Variants in CSMD3 observed in about 807,000 individuals in gnomAD.
The protein encoded by CSMD3 is CUB and Sushi multiple domains 3.
CSMD3 carries 177 observed loss-of-function variants against 435.2 expected under a neutral mutation model. That is an observed-to-expected ratio of 0.41 (90% CI 0.36 to 0.46). The LOEUF is 0.46. Ranked by LOEUF, CSMD3 falls within the 20% of genes least tolerant of loss-of-function variation. The pLI is 0.34. For synonymous variants in CSMD3, 1,656 were observed against 1,520.5 expected, an observed-to-expected ratio of 1.09 and a Z score of -2.07; for missense variants, 4,265 against 4,504.6, an observed-to-expected ratio of 0.95 and a Z score of 1.52.
rs2131786476 is a variant in CSMD3, at chr8:112,682,579, C to T, written c.2540G>A (p.Gly847Glu). ...TGAACTTCCTAATTGAAAGTTGTCC[C>T]CAAACCGCCGTGCATTGATTGGTAT... ...PGIPINARRF[G>E]DNFQLGSSIS... Residue 847 changes from glycine to glutamate, a missense_variant, in exon 16 of 71, where the codon GGG becomes GAG. By Grantham distance (98) the Gly-to-Glu change is moderately conservative. This residue lies in a region of CSMD3 where 279 missense variants were observed against 369.0 expected (regional missense o/e 0.76). Coordinates refer to ENST00000297405, the MANE Select transcript of CSMD3 (RefSeq NM_198123.2). The T allele has an allele frequency of 2.5e-6, 4 of 1,613,754 alleles. No homozygotes were observed. The highest frequency in any genetic ancestry group is 2.5e-6 in the Non-Finnish European group (3 of 1,179,726).
At chr8:112,542,044 A>G (rs1826713443) in intron 27 of CSMD3, among the ~76,000 whole-genome samples, 1 of 151,990 alleles carries the variant, frequency 6.6e-6, no homozygotes, top group African/African-American at 2.4e-5. Context: ...TTAAGATCAC[A>G]TGATCACATG....
chr8:113,221,161 T>C (rs987343364), intron 3 of CSMD3, among the ~76,000 whole-genome samples: 13 of 151,370 alleles, frequency 8.6e-5, no homozygotes, highest in African/African-American at 2.2e-4. Flanking sequence ...CATTATTGTG[T>C]CAATTTGCAA....
chr8:112,294,294 A>G (rs1820052812), intron 54 of CSMD3, among the ~76,000 whole-genome samples: 1 of 152,122 alleles, frequency 6.6e-6, no homozygotes, highest in Non-Finnish European at 1.5e-5. Context: ...ATTAAATGAA[A>G]TATTTCCTGT....
chr8:113,270,411 G>A (rs2093512982), intron 3 of CSMD3, among the ~76,000 whole-genome samples: 1 of 152,182 alleles, frequency 6.6e-6, no homozygotes, highest in Non-Finnish European at 1.5e-5. Flanking sequence ...GTGTAAGATA[G>A]TGTGGTGATT....
At position 112,552,732 on chromosome 8, in the gene CSMD3, T is replaced by C. The variant is rs372984155; in HGVS notation, c.4235-12A>G. The C allele has an allele frequency of 6.2e-7, 1 of 1,609,142 alleles. No individual in the cohort carries two copies. The highest frequency in any genetic ancestry group is 8.5e-7 in the Non-Finnish European group (1 of 1,177,348). Reference sequence around the variant, plus strand: ...ACCTCCACATTCAGCTGATAAAAAATAATAGAAATTTAAGCCACAATTTAA... The same window carrying C: ...ACCTCCACATTCAGCTGATAAAAAACAATAGAAATTTAAGCCACAATTTAA... On this transcript the variant is annotated splice_polypyrimidine_tract_variant and intron_variant, in intron 25 of 70. Coordinates refer to ENST00000297405, the MANE Select transcript of CSMD3 (RefSeq NM_198123.2).
At chr8:112,400,981 T>G (rs1434277617) in intron 35 of CSMD3, among the ~76,000 whole-genome samples, 1 of 152,082 alleles carries the variant, frequency 6.6e-6, no homozygotes, top group Admixed American at 6.6e-5. Context: ...CCGAGGCAGA[T>G]AGATCACCTA....
chr8:112,287,641 C>T (rs1329024111), intron 57 of CSMD3, among the ~76,000 whole-genome samples: 3 of 152,104 alleles, frequency 2.0e-5, no homozygotes, highest in Admixed American at 2.0e-4. Context: ...GTTTCCTTTT[C>T]TGAATTTCCT....
intron 53 of CSMD3, among the ~76,000 whole-genome samples, chr8:112,301,078 C>G (rs1010997494): frequency 6.6e-6 from 1 of 151,934 alleles, no homozygotes; most frequent in Non-Finnish European, 1.5e-5. Flanking sequence ...TACTTGCTGT[C>G]AGATCTTGAA....
At chr8:113,394,692 C>G (rs761526516) in intron 1 of CSMD3, among the ~76,000 whole-genome samples, 1 of 151,944 alleles carries the variant, frequency 6.6e-6, no homozygotes, top group Non-Finnish European at 1.5e-5. Flanking sequence ...AGTTAAGGAG[C>G]ATTTATTTGC....
At chr8:113,051,169 T>A (rs1234316853) in intron 5 of CSMD3, among the ~76,000 whole-genome samples, 1 of 152,148 alleles carries the variant, frequency 6.6e-6, no homozygotes, top group Non-Finnish European at 1.5e-5. Context: ...ATAAATGCTG[T>A]ATTTCTGTCC....
At chr8:112,818,075 A>G (rs902427521) in intron 12 of CSMD3, among the ~76,000 whole-genome samples, 1 of 151,756 alleles carries the variant, frequency 6.6e-6, no homozygotes, top group Non-Finnish European at 1.5e-5. Context: ...GCTACTGAAT[A>G]TGTTATGACT....
At chr8:113,353,270 G>A (rs2094201512) in intron 1 of CSMD3, among the ~76,000 whole-genome samples, 2 of 152,146 alleles carry the variant, frequency 1.3e-5, no homozygotes, top group Non-Finnish European at 2.9e-5. Context: ...CTCAGAGGAA[G>A]AGATTCTCAC....
chr8:113,225,844 T>C (rs142183444), intron 3 of CSMD3, among the ~76,000 whole-genome samples: 64 of 151,618 alleles, frequency 4.2e-4, no homozygotes, highest in Non-Finnish European at 7.8e-4. Context: ...CCAAATCTCA[T>C]ACTGAATTGT....
chr8:112,968,279 T>A (rs928922743), intron 7 of CSMD3, among the ~76,000 whole-genome samples: 1 of 151,878 alleles, frequency 6.6e-6, no homozygotes, highest in African/African-American at 2.4e-5. Context: ...GGTAAATACA[T>A]TAATTAATAT....
In CSMD3 at chr8:113,383,120, A is replaced by C. The variant is rs62521131; in HGVS notation, c.178+53557T>G. Among the ~76,000 whole-genome samples, 345 of 152,270 alleles carry C rather than the reference A, an allele frequency of 2.3e-3. 1 individual carries two copies. Among genetic ancestry groups the C allele is most frequent in the Non-Finnish European group, 3.8e-3 (256 of 68,010 alleles). ...AGGAGGAGGAATGGACACTGCAGAG[A>C]GGGAATAGCACTTAGGCACAGAGGG... On this transcript the variant is annotated intron_variant, in intron 1 of 70. Coordinates refer to ENST00000297405, the MANE Select transcript of CSMD3 (RefSeq NM_198123.2).
intron 10 of CSMD3, among the ~76,000 whole-genome samples, chr8:112,879,620 C>T (rs1169529340): frequency 2.0e-5 from 3 of 152,086 alleles, no homozygotes; most frequent in African/African-American, 7.2e-5. Context: ...CATCACGGAA[C>T]CTGCCGACAT....
intron 4 of CSMD3, among the ~76,000 whole-genome samples, chr8:113,143,093 T>C (rs955074259): frequency 2.7e-5 from 4 of 150,862 alleles, no homozygotes; most frequent in Non-Finnish European, 4.4e-5. Flanking sequence ...CTTGAATATA[T>C]AAAGAACTCT....
intron 45 of CSMD3, among the ~76,000 whole-genome samples, chr8:112,334,112 A>G (rs1441571657): frequency 6.6e-6 from 1 of 152,174 alleles, no homozygotes; most frequent in Non-Finnish European, 1.5e-5. Flanking sequence ...CCAACTTTCC[A>G]GAAGAGATCA....
At chr8:113,389,483 T>A (rs1165211300) in intron 1 of CSMD3, among the ~76,000 whole-genome samples, 1 of 151,738 alleles carries the variant, frequency 6.6e-6, no homozygotes, top group Non-Finnish European at 1.5e-5. Flanking sequence ...ATTGAAGACT[T>A]TTGATGTGCC....
Sources: allele counts gnomAD v4.1 joint callset (sites outside exome capture counted in the v4.1 genomes callset), GRCh38; gene constraint gnomAD v4.1.1; regional missense constraint gnomAD v4.1.1; transcripts MANE v1.5; gene names NCBI Gene and HGNC (gene_info 2026-07-23, HGNC 2026-07-21).